Variants in EXOC4 observed in about 807,000 individuals in gnomAD.
EXOC4 encodes exocyst complex component 4.
Under a neutral mutation model 107.2 loss-of-function variants are expected in EXOC4, and 71 were observed. The ratio of observed to expected loss-of-function variants is 0.66; its 90% confidence interval spans 0.55 to 0.81. The LOEUF is 0.81. Among genes scored for constraint, EXOC4 ranks in the 30% least tolerant of loss-of-function variants. EXOC4 has a pLI of 0.00. For synonymous variants in EXOC4, 456 were observed against 441.2 expected (o/e 1.03, Z -0.42); for missense variants, 1,108 against 1,189.6 (o/e 0.93, Z 1.01).
In EXOC4 at chr7:133,594,006, T is replaced by C. The variant is rs1563120235; in HGVS notation, c.1418-36039T>C. 2.0e-5 allele frequency among the ~76,000 whole-genome samples: 3 copies of C among 152,210 alleles called. 1 individual carries two copies. The South Asian group carries it at 6.2e-4, about 32-fold the overall frequency. ...GCTGTAGATTAAAGTAATGTTCTTC[T>C]AACAAGTAAAATTGAAGCAATTAAA... is the stretch of plus-strand genomic sequence containing the variant. On this transcript the variant is annotated intron_variant, in intron 9 of 17. Transcript: ENST00000253861.
chr7:133,262,723 C>T (rs902316097), intron 1 of EXOC4, among the ~76,000 whole-genome samples: 5 of 152,124 alleles, frequency 3.3e-5, no homozygotes, highest in Non-Finnish European at 5.9e-5. Flanking sequence ...ACAAGATTCC[C>T]AGGTGATTTG....
chr7:133,790,446 G>T (rs571443703), intron 10 of EXOC4, among the ~76,000 whole-genome samples: 9 of 152,322 alleles, frequency 5.9e-5, no homozygotes, highest in African/African-American at 1.7e-4. Context: ...AGCTGTGGGG[G>T]TGATGACCAT....
chr7:133,749,841 T>G (rs962220345), intron 10 of EXOC4, among the ~76,000 whole-genome samples: 1 of 152,102 alleles, frequency 6.6e-6, no homozygotes, highest in Non-Finnish European at 1.5e-5. Flanking sequence ...ATTATTTTTC[T>G]AAGCTAAATT....
intron 9 of EXOC4, among the ~76,000 whole-genome samples, chr7:133,611,185 C>T (rs1563126411): frequency 6.6e-6 from 1 of 151,896 alleles, no homozygotes; most frequent in Non-Finnish European, 1.5e-5. Flanking sequence ...AGAAAATAAG[C>T]CAGTGAAATA....
At chr7:134,020,759 G>A (rs1007359572) in intron 17 of EXOC4, among the ~76,000 whole-genome samples, 3 of 152,144 alleles carry the variant, frequency 2.0e-5, no homozygotes, top group Non-Finnish European at 2.9e-5. Context: ...GCTGAGGCAG[G>A]TGGATCACTT....
chr7:133,363,702 G>C lies in EXOC4; in HGVS notation c.1007+7129G>C, dbSNP rs143985939. 6.4e-3 allele frequency among the ~76,000 whole-genome samples: 974 copies of C among 151,692 alleles called. 10 individuals carry two copies. Among genetic ancestry groups the C allele is most frequent in the African/African-American group, 0.022 (927 of 41,336 alleles). The stretch of plus-strand genomic sequence containing the variant: ...AAAGATCTGACCAGTCAAAGAAATA[G>C]AGACAATCTGTTTCATGGACTGTAA... On this transcript the variant is annotated intron_variant, in intron 6 of 17. Coordinates refer to ENST00000253861, the MANE Select transcript of EXOC4 (RefSeq NM_021807.4).
At chr7:133,641,530 C>T (rs1025707668) in intron 10 of EXOC4, among the ~76,000 whole-genome samples, 1 of 152,140 alleles carries the variant, frequency 6.6e-6, no homozygotes, top group African/African-American at 2.4e-5. Context: ...ATATTCTGTA[C>T]AGTCACATTT....
downstream of EXOC4, among the ~76,000 whole-genome samples, chr7:134,067,636 T>TACACACAC (rs1491317350): frequency 0.016 from 2,005 of 129,056 alleles, 21 homozygotes; most frequent in Non-Finnish European, 0.024. Flanking sequence ...TATATATATA[T>TACACACAC]ATACACACAC....
At chr7:133,905,975 C>A (rs760188835) in intron 12 of EXOC4, among the ~76,000 whole-genome samples, 1 of 152,046 alleles carries the variant, frequency 6.6e-6, no homozygotes, top group African/African-American at 2.4e-5. Flanking sequence ...GCAGCATGGA[C>A]GACCATGGTG....
intron 11 of EXOC4, among the ~76,000 whole-genome samples, chr7:133,857,297 ACACG>A (rs1234040897): frequency 1.6e-4 from 4 of 24,716 alleles, no homozygotes; most frequent in African/African-American, 1.0e-3. Context: ...ATATATATAT[ACACG>A]TATATATATA....
chr7:133,823,904 TATATATAA>T (rs1234490016), intron 11 of EXOC4, among the ~76,000 whole-genome samples: 17 of 28,006 alleles, frequency 6.1e-4, no homozygotes, highest in South Asian at 2.7e-3. Context: ...TTTATATATA[TATATATAA>T]ATATATATAT....
intron 9 of EXOC4, among the ~76,000 whole-genome samples, chr7:133,627,438 C>G (rs1004168362): frequency 1.3e-5 from 2 of 151,934 alleles, no homozygotes; most frequent in African/African-American, 2.4e-5. Flanking sequence ...TAGTCTATCT[C>G]GTAAAGGTTA....
intron 14 of EXOC4, among the ~76,000 whole-genome samples, chr7:133,939,627 G>T (rs966828048): frequency 1.3e-5 from 2 of 152,158 alleles, no homozygotes; most frequent in African/African-American, 4.8e-5. Context: ...CTCCCAAGTA[G>T]CTGGGACTAC....
intron 11 of EXOC4, among the ~76,000 whole-genome samples, chr7:133,857,962 C>T (rs953740179): frequency 4.6e-5 from 7 of 152,164 alleles, no homozygotes; most frequent in African/African-American, 1.2e-4. Context: ...TGCTTCCCGT[C>T]ACATGGGGTA....
At chr7:134,019,415 G>GTGA (rs149056095) in intron 17 of EXOC4, among the ~76,000 whole-genome samples, 80,217 of 148,624 alleles carry the variant, frequency 0.54, 22,562 homozygotes, top group African/African-American at 0.7. Flanking sequence ...CTTTCTCTCA[G>GTGA]TGATGATGAT....
intron 14 of EXOC4, among the ~76,000 whole-genome samples, chr7:133,970,542 C>T (rs1202094888): frequency 2.0e-5 from 3 of 152,038 alleles, no homozygotes; most frequent in Admixed American, 1.3e-4. Context: ...GTATCTGGGC[C>T]GGAATTCACT....
intron 14 of EXOC4, among the ~76,000 whole-genome samples, chr7:133,991,056 A>G (rs562912317): frequency 2.0e-5 from 3 of 152,162 alleles, no homozygotes; most frequent in African/African-American, 7.2e-5. Flanking sequence ...ATGTATGAGC[A>G]TTCTTCCTTC....
At chr7:134,020,558 G>A (rs564570259) in intron 17 of EXOC4, among the ~76,000 whole-genome samples, 1 of 152,372 alleles carries the variant, frequency 6.6e-6, no homozygotes, top group Admixed American at 6.5e-5. Context: ...TGTAGACATT[G>A]AGGCAGAGTC....
intron 17 of EXOC4, among the ~76,000 whole-genome samples, chr7:134,023,625 G>A (rs1032895124): frequency 6.6e-6 from 1 of 152,098 alleles, no homozygotes; most frequent in African/African-American, 2.4e-5. Flanking sequence ...CTACACTGTG[G>A]TAAATGACAA....
Sources: gnomAD v4.1 joint callset for allele counts (sites outside exome capture counted in the v4.1 genomes callset) on GRCh38, gnomAD v4.1.1 for gene constraint, MANE v1.5 for transcripts, NCBI Gene and HGNC (gene_info 2026-07-23, HGNC 2026-07-21) for gene names.